IQCM: variants seen among roughly 807,000 people sequenced by gnomAD.
The protein encoded by IQCM is IQ motif containing M.
A neutral mutation model predicts 57.6 loss-of-function variants in IQCM; 45 were observed. That is an observed-to-expected ratio of 0.78 (90% CI 0.62 to 1.00). The LOEUF (loss-of-function observed/expected upper bound fraction) is 1.00, where lower values mean the gene tolerates loss of function less well. Ranked by LOEUF, IQCM falls within the 50% of genes least tolerant of loss-of-function variation. IQCM has a pLI of 0.00. For synonymous variants in IQCM, 148 were observed against 158.9 expected (o/e 0.93, Z 0.51); for missense variants, 468 against 511.6 (o/e 0.91, Z 0.82).
chr4:149,482,234 T>G (rs1249427581), intron 12 of IQCM, among the ~76,000 whole-genome samples: 1 of 152,036 alleles, frequency 6.6e-6, no homozygotes, highest in South Asian at 2.1e-4. Flanking sequence ...ATAAAGATAA[T>G]TTGATTTCTT....
chr4:149,474,879 G>C (rs748969082), intron 12 of IQCM, among the ~76,000 whole-genome samples: 1 of 152,128 alleles, frequency 6.6e-6, no homozygotes, highest in South Asian at 2.1e-4. Context: ...AATGGCCACG[G>C]TGTTCAAAAA....
At chr4:149,777,685 G>T (rs1269891929) in intron 2 of IQCM, among the ~76,000 whole-genome samples, 1 of 152,064 alleles carries the variant, frequency 6.6e-6, no homozygotes, top group East Asian at 1.9e-4. Flanking sequence ...TGAGAAAACG[G>T]AGTAGATGTA....
intron 12 of IQCM, among the ~76,000 whole-genome samples, chr4:149,512,787 G>A (rs921535587): frequency 5.9e-5 from 9 of 152,124 alleles, no homozygotes; most frequent in Non-Finnish European, 1.3e-4. Flanking sequence ...TCAGTGTTCT[G>A]AATAACTTTT....
chr4:149,776,389 G>A (rs1267671042), intron 2 of IQCM, among the ~76,000 whole-genome samples: 1 of 152,086 alleles, frequency 6.6e-6, no homozygotes, highest in Non-Finnish European at 1.5e-5. Flanking sequence ...AGGTCACATA[G>A]CTAATAAATA....
chr4:149,729,478 T>C (rs1451508008), intron 5 of IQCM, among the ~76,000 whole-genome samples: 1 of 152,008 alleles, frequency 6.6e-6, no homozygotes, highest in African/African-American at 2.4e-5. Context: ...TTTTTGTTGT[T>C]TTTTTTACCT....
At chr4:149,633,009 A>AT (rs1331515364) in intron 7 of IQCM, among the ~76,000 whole-genome samples, 1 of 150,524 alleles carries the variant, frequency 6.6e-6, no homozygotes, top group African/African-American at 2.5e-5. Context: ...AAAATACAAA[A>AT]AATTAGCCGG....
intron 7 of IQCM, among the ~76,000 whole-genome samples, chr4:149,656,595 A>C (rs1015431502): frequency 1.3e-5 from 2 of 152,126 alleles, no homozygotes; most frequent in African/African-American, 4.8e-5. Flanking sequence ...TCCACTTCCA[A>C]AATGGATTGA....
At chr4:149,682,333 C>T (rs1022273801) in intron 6 of IQCM, 127 bp from the exon 7 acceptor site, 14 of 395,036 alleles carry the variant, frequency 3.5e-5, no homozygotes, top group South Asian at 2.8e-4. Flanking sequence ...AACAGGACTA[C>T]ACCTGTTGTT....
chr4:149,381,848 C>T (rs1194420923), intron 13 of IQCM, among the ~76,000 whole-genome samples: 2 of 152,066 alleles, frequency 1.3e-5, no homozygotes, highest in East Asian at 3.9e-4. Context: ...AGTCTTGGTT[C>T]ACTGCAACCT....
At chr4:149,608,577 C>T (rs1450628365) in intron 8 of IQCM, among the ~76,000 whole-genome samples, 1 of 151,586 alleles carries the variant, frequency 6.6e-6, no homozygotes, top group Non-Finnish European at 1.5e-5. Context: ...TTTCTAACTA[C>T]AATGGAATAA....
chr4:149,449,090 A>G (rs1736807316), intron 12 of IQCM, among the ~76,000 whole-genome samples: 1 of 151,386 alleles, frequency 6.6e-6, no homozygotes, highest in Non-Finnish European at 1.5e-5. Flanking sequence ...AACTGAATTT[A>G]GCAATATACA....
intron 12 of IQCM, among the ~76,000 whole-genome samples, chr4:149,485,179 G>T (rs1404472917): frequency 6.6e-6 from 1 of 151,854 alleles, no homozygotes; most frequent in African/African-American, 2.4e-5. Flanking sequence ...CAAACTCCTA[G>T]AGTTAGTCTT....
chr4:149,615,230 G>C (rs972750101), intron 8 of IQCM, among the ~76,000 whole-genome samples: 5 of 151,952 alleles, frequency 3.3e-5, no homozygotes, highest in African/African-American at 1.2e-4. Context: ...GAAGAGTTAT[G>C]ATGAGAAATT....
chr4:149,493,127 G>A (rs1455260262), intron 12 of IQCM, among the ~76,000 whole-genome samples: 1 of 152,052 alleles, frequency 6.6e-6, no homozygotes, highest in East Asian at 1.9e-4. Flanking sequence ...ATCCCCAAAT[G>A]CAACTAACTC....
rs1580306228 is a variant in IQCM at position 149,790,137 on chromosome 4, G to A, written c.-49+25174C>T. 4.9e-6 allele frequency: 3 copies of A among 611,538 alleles called. No homozygotes were observed. The East Asian group carries it at 1.0e-4, about 21-fold the overall frequency. The allele number at this position is 611,538 out of a possible 1,614,324, so 37.9% of individuals were successfully genotyped here. ...CCCTTATTTACTCTATGGCAGGTTG[G>A]AATGATCTGTGAACATTAGTTGAAA... On this transcript the variant is annotated intron_variant, in intron 2 of 13. Transcript: ENST00000636793.
chr4:149,511,565 AAAT>A (rs1458833609), intron 12 of IQCM, among the ~76,000 whole-genome samples: 1 of 139,814 alleles, frequency 7.2e-6, no homozygotes, highest in African/African-American at 2.6e-5. Flanking sequence ...ATAAATAAAT[AAAT>A]AAATATTAAA....
intron 12 of IQCM, among the ~76,000 whole-genome samples, chr4:149,527,356 T>G (rs1025904883): frequency 6.6e-6 from 1 of 152,160 alleles, no homozygotes; most frequent in South Asian, 2.1e-4. Context: ...CAACCCCCAA[T>G]GTGATAGTAT....
intron 2 of IQCM, among the ~76,000 whole-genome samples, chr4:149,753,696 G>A (rs908480017): frequency 6.6e-5 from 10 of 150,886 alleles, no homozygotes; most frequent in African/African-American, 2.0e-4. Context: ...AAACCTGCAC[G>A]TTGTGCCCAT....
chr4:149,380,773 G>T (rs2111031499), intron 13 of IQCM, among the ~76,000 whole-genome samples: 1 of 152,222 alleles, frequency 6.6e-6, no homozygotes, highest in South Asian at 2.1e-4. Flanking sequence ...GAGGGAGAGA[G>T]AGCCAATTGA....
Sources: allele counts gnomAD v4.1 joint callset (sites outside exome capture counted in the v4.1 genomes callset), GRCh38; gene constraint gnomAD v4.1.1; transcripts MANE v1.5; gene names NCBI Gene and HGNC (gene_info 2026-07-23, HGNC 2026-07-21).